DHX35: variants seen among roughly 807,000 people sequenced by gnomAD.
DHX35 encodes the protein DEAH-box helicase 35, also known as probable ATP-dependent RNA helicase DHX35.
A neutral mutation model predicts 99.6 loss-of-function variants in DHX35; 84 were observed. That is an observed-to-expected ratio of 0.84 (90% CI 0.71 to 1.01). The LOEUF (loss-of-function observed/expected upper bound fraction) is 1.01. Among genes scored for constraint, DHX35 ranks in the 50% least tolerant of loss-of-function variants. The pLI is 0.00. For missense variants in DHX35, 852 were observed against 888.5 expected, an observed-to-expected ratio of 0.96 and a Z score of 0.52; for synonymous variants, 331 against 316.2, an observed-to-expected ratio of 1.05 and a Z score of -0.50.
At chr20:39,015,708 A>G (rs1024515307) in intron 14 of DHX35, among the ~76,000 whole-genome samples, 1 of 152,144 alleles carries the variant, frequency 6.6e-6, no homozygotes, top group Admixed American at 6.5e-5. Context: ...GTACTATACA[A>G]TTCACTCGTT....
At position 39,026,419 on chromosome 20, in the gene DHX35, T is replaced by A. The variant is rs116315382; in HGVS notation, c.1801+1060T>A. ...ATTAAACAATGACGGAGTCTTGGCT[T>A]TTACTCTAAGGGAACAGTGTAATGA... On this transcript the variant is annotated intron_variant, in intron 18 of 21. Transcript: ENST00000252011. 1.0e-3 allele frequency among the ~76,000 whole-genome samples: 157 copies of A among 152,312 alleles called. 2 individuals carry two copies. The highest frequency in any genetic ancestry group is 3.6e-3 in the African/African-American group (149 of 41,562).
intron 8 of DHX35, among the ~76,000 whole-genome samples, chr20:38,996,787 T>C (rs1468833317): frequency 1.3e-5 from 2 of 152,164 alleles, no homozygotes; most frequent in East Asian, 3.9e-4. Flanking sequence ...GTTTTAGGTC[T>C]GCCCATGGTA....
intron 3 of DHX35, among the ~76,000 whole-genome samples, chr20:38,982,270 GCTAA>G (rs1329145500): frequency 6.6e-6 from 1 of 152,096 alleles, no homozygotes; most frequent in Admixed American, 6.5e-5. Flanking sequence ...TTTCAGAATT[GCTAA>G]CTTGTAACCT....
intron 3 of DHX35, among the ~76,000 whole-genome samples, chr20:38,981,943 CAA>C (rs1161300647): frequency 1.3e-3 from 110 of 87,200 alleles, no homozygotes; most frequent in Middle Eastern, 5.2e-3. Context: ...GACTCTGTCT[CAA>C]AAAAAAAAAA....
intron 15 of DHX35, 139 bp from the exon 16 acceptor site, chr20:39,021,702 C>T: frequency 1.2e-6 from 1 of 826,836 alleles, no homozygotes; most frequent in Non-Finnish European, 2.0e-6. Flanking sequence ...GGCTTATATA[C>T]TATACACTTT....
chr20:39,009,173 C>A (rs1222941627), intron 12 of DHX35, among the ~76,000 whole-genome samples: 1 of 152,134 alleles, frequency 6.6e-6, no homozygotes, highest in Non-Finnish European at 1.5e-5. Flanking sequence ...AACTTTGTTT[C>A]TCCTTTGGTT....
intron 15 of DHX35, among the ~76,000 whole-genome samples, chr20:39,019,447 A>G (rs1198959702): frequency 2.6e-5 from 4 of 152,176 alleles, no homozygotes; most frequent in South Asian, 2.1e-4. Context: ...ACTTTTGGCT[A>G]TTGTGAATAA....
intron 12 of DHX35, among the ~76,000 whole-genome samples, chr20:39,006,730 G>A (rs985021420): frequency 2.6e-5 from 4 of 152,152 alleles, no homozygotes; most frequent in Non-Finnish European, 4.4e-5. Flanking sequence ...TGAGTCTTGC[G>A]GAGCCTCACA....
chr20:38,980,012 C>T (rs1171910192), intron 3 of DHX35, among the ~76,000 whole-genome samples: 1 of 152,124 alleles, frequency 6.6e-6, no homozygotes, highest in Non-Finnish European at 1.5e-5. Flanking sequence ...AGATGGACTT[C>T]AGCTACGTTT....
At chr20:38,974,057 C>T (rs1020636872) in intron 3 of DHX35, among the ~76,000 whole-genome samples, 13 of 152,212 alleles carry the variant, frequency 8.5e-5, no homozygotes, top group Admixed American at 1.3e-4. Context: ...CTGCTGGGCT[C>T]TACCTAAGAG....
intron 3 of DHX35, among the ~76,000 whole-genome samples, chr20:38,982,657 TC>T (rs2086190764): frequency 6.6e-6 from 1 of 152,198 alleles, no homozygotes; most frequent in African/African-American, 2.4e-5. Flanking sequence ...TCTACACCTT[TC>T]CCACCCATTC....
At chr20:38,983,991 C>G (rs2086213436) in intron 4 of DHX35, among the ~76,000 whole-genome samples, 1 of 152,188 alleles carries the variant, frequency 6.6e-6, no homozygotes, top group Admixed American at 6.5e-5. Flanking sequence ...CTCACTGCAA[C>G]CTCCGCCTCC....
At chr20:38,994,790 T>C in intron 7 of DHX35, 31 bp from the exon 8 acceptor site, 1 of 1,570,772 alleles carries the variant, frequency 6.4e-7, no homozygotes, top group South Asian at 1.1e-5. Flanking sequence ...GTTGCACTAT[T>C]ATCATTATTT....
In DHX35 at chr20:38,969,179, A is replaced by G. The variant is rs186018364; in HGVS notation, c.139A>G (p.Ile47Val). 3.4e-4 allele frequency: 543 copies of G among 1,613,198 alleles called. 2 individuals carry two copies. In the East Asian group the frequency reaches 7.6e-3, roughly 23 times the overall value. ...TTACAACCCTTATGCTGCCCTTTCC[A>G]TAGAGCAGCAGAGGCAGAAGCTGCC... is the stretch of plus-strand genomic sequence containing the variant. Reference protein sequence around the residue: ...VVYNPYAALSIEQQRQKLPVF... With the variant: ...VVYNPYAALSVEQQRQKLPVF... Residue 47 changes from isoleucine to valine, a missense_variant, in exon 2 of 22, where the codon ATA becomes GTA. Ile to Val is a conservative substitution (Grantham distance 29). Coordinates refer to ENST00000252011, the MANE Select transcript of DHX35 (RefSeq NM_021931.4).
intron 3 of DHX35, among the ~76,000 whole-genome samples, chr20:38,976,715 C>T (rs1416310718): frequency 6.6e-6 from 1 of 152,150 alleles, no homozygotes; most frequent in African/African-American, 2.4e-5. Flanking sequence ...AACTATAACT[C>T]TGTGCTTGTT....
At chr20:38,990,226 G>A (rs1238295321) in intron 5 of DHX35, among the ~76,000 whole-genome samples, 2 of 152,138 alleles carry the variant, frequency 1.3e-5, no homozygotes, top group Non-Finnish European at 2.9e-5. Context: ...TGTCATTGGT[G>A]GAAGTTCTCA....
intron 3 of DHX35, among the ~76,000 whole-genome samples, chr20:38,982,911 ATACACT>A (rs1005946889): frequency 4.6e-5 from 7 of 152,020 alleles, no homozygotes; most frequent in Admixed American, 3.3e-4. Flanking sequence ...ACTCAGATAA[ATACACT>A]TAATCAAATT....
intron 6 of DHX35, among the ~76,000 whole-genome samples, chr20:38,991,776 A>T (rs1300360251): frequency 1.3e-5 from 2 of 152,114 alleles, no homozygotes; most frequent in Non-Finnish European, 2.9e-5. Flanking sequence ...GCCTTGTCAC[A>T]CTCCAGTATT....
intron 4 of DHX35, among the ~76,000 whole-genome samples, chr20:38,985,323 G>A (rs2086233765): frequency 6.8e-6 from 1 of 146,180 alleles, no homozygotes; most frequent in Non-Finnish European, 1.5e-5. Flanking sequence ...AGGAGTTAAG[G>A]TTGCGGTGAG....
Sources: allele counts gnomAD v4.1 joint callset (sites outside exome capture counted in the v4.1 genomes callset), GRCh38; gene constraint gnomAD v4.1.1; transcripts MANE v1.5; gene names NCBI Gene and HGNC (gene_info 2026-07-23, HGNC 2026-07-21).